Variants in GCFC2 observed in about 807,000 individuals in gnomAD.
GCFC2 encodes GC-rich sequence DNA-binding factor 2, also known as intron Large complex component GCFC2.
In GCFC2, 102 loss-of-function variants were observed where a neutral mutation model predicts 99.4. The ratio of observed to expected loss-of-function variants is 1.03; its 90% CI spans 0.87 to 1.21. The LOEUF (loss-of-function observed/expected upper bound fraction) is 1.21, where lower values mean the gene tolerates loss of function less well. Among genes scored for constraint, GCFC2 ranks in the 50% most tolerant of loss-of-function variants. The probability of loss-of-function intolerance (pLI) is 0.00; values close to 1 mark genes in which losing one functional copy is unlikely to be tolerated. For synonymous variants in GCFC2, 338 were observed against 316.8 expected (o/e 1.07, Z -0.71); for missense variants, 973 against 920.9 (o/e 1.06, Z -0.73).
In GCFC2 at chr2:75,695,926, G is replaced by T. The variant is rs113028494; in HGVS notation, c.833+274C>A. Among the ~76,000 whole-genome samples the T allele has an allele frequency of 3.3e-3, 502 of 152,196 alleles. 4 individuals are homozygous for T. Among genetic ancestry groups the T allele is most frequent in the African/African-American group, 0.011 (461 of 41,530 alleles). ...GAACAGCATGCAATTTAAAACATAT[G>T]AATTGTTTATTTCTGGAATTTTCCA... On this transcript the variant is annotated intron_variant, in intron 5 of 16. Transcript: ENST00000321027.
intron 5 of GCFC2, among the ~76,000 whole-genome samples, chr2:75,694,895 G>T (rs1013314996): frequency 6.6e-6 from 1 of 151,974 alleles, no homozygotes; most frequent in Admixed American, 6.6e-5. Flanking sequence ...ACCACTTCTG[G>T]AACAAAACAT....
intron 12 of GCFC2, among the ~76,000 whole-genome samples, chr2:75,678,600 T>C (rs187739139): frequency 9.4e-4 from 143 of 152,256 alleles, no homozygotes; most frequent in African/African-American, 3.3e-3. Context: ...ACACAGTACT[T>C]TATCTATGCT....
intron 11 of GCFC2, among the ~76,000 whole-genome samples, chr2:75,683,020 T>C (rs1328817840): frequency 2.0e-5 from 3 of 151,792 alleles, no homozygotes. Flanking sequence ...AAAACACTCT[T>C]CAGGACATTA....
chr2:75,689,231 A>G lies in GCFC2; in HGVS notation c.1340-6T>C, dbSNP rs1679947642. On this transcript the variant is annotated splice_region_variant and splice_polypyrimidine_tract_variant and intron_variant, in intron 9 of 16. Coordinates refer to ENST00000321027, the MANE Select transcript of GCFC2 (RefSeq NM_003203.5). ...CTGTTTCTGTAAAATGTCACCTGTA[A>G]ACAAAATAAGTCTCTTTATGCATTT... 1.3e-6 allele frequency: 2 copies of G among 1,522,016 alleles called. No homozygotes were observed. Among genetic ancestry groups the G allele is most frequent in the East Asian group, 4.5e-5 (2 of 44,186 alleles). The allele number at this position is 1,522,016 out of a possible 1,614,324, so 94.3% of individuals were successfully genotyped here.
At chr2:75,680,379 T>C in intron 11 of GCFC2, 65 bp from the exon 12 acceptor site, 1 of 1,353,944 alleles carries the variant, frequency 7.4e-7, no homozygotes, top group Non-Finnish European at 1.0e-6. Flanking sequence ...CATATACAAA[T>C]AATCAAGACC....
Position 75,690,032 on chromosome 2 carries a change from C to T in GCFC2, c.1276G>A (p.Glu426Lys). The T allele has an allele frequency of 1.2e-6, 2 of 1,610,110 alleles. No homozygotes were observed. The highest frequency in any genetic ancestry group is 1.1e-5 in the South Asian group (1 of 90,638). Residue 426 changes from glutamate (E) to lysine (K), a missense_variant, in exon 9 of 17, where the codon GAA (glutamate) becomes AAA (lysine). Physicochemically the swap from Glu to Lys is moderately conservative, Grantham distance 56. Transcript: ENST00000321027. Reference protein sequence around the residue: ...RVLSGNCNHQEGTSSDDELPS... With the variant: ...RVLSGNCNHQKGTSSDDELPS... ...AGTTCATCATCACTAGATGTTCCTT[C>T]CTGATGGTTACAATTCCCAGAAAGC... is the stretch of plus-strand genomic sequence containing the variant.
intron 4 of GCFC2, chr2:75,697,999 C>G (rs1363884056): frequency 6.6e-6 from 1 of 152,126 alleles, no homozygotes; most frequent in South Asian, 2.1e-4. Flanking sequence ...TGTTTTAAGC[C>G]ACCAAGTCTG....
intron 16 of GCFC2, 45 bp downstream of exon 16, chr2:75,665,884 A>G: frequency 7.5e-7 from 1 of 1,330,814 alleles, no homozygotes; most frequent in Non-Finnish European, 1.0e-6. Flanking sequence ...AGCATACAGA[A>G]TCCATGAACT....
At chr2:75,685,022 T>C (rs192997992) in intron 11 of GCFC2, among the ~76,000 whole-genome samples, 1 of 152,100 alleles carries the variant, frequency 6.6e-6, no homozygotes, top group East Asian at 1.9e-4. Context: ...TGAGAACACA[T>C]GGACAGGGAG....
chr2:75,689,079 T>G lies in GCFC2; in HGVS notation c.1486A>C (p.Lys496Gln). ...YEAFISLCIP[K>Q]LLNPLIRVQL... Reference sequence around the variant, plus strand: ...ACTCGTATTAGGGGATTTAAAAGCTTTGGTATGCATAAACTAATGAAAGCT... The same window carrying G: ...ACTCGTATTAGGGGATTTAAAAGCTGTGGTATGCATAAACTAATGAAAGCT... The change falls in exon 10 of 17, where the codon AAG (lysine) becomes CAG (glutamine). Residue 496 changes from lysine to glutamine, a missense_variant. By Grantham distance (53) the Lys-to-Gln change is moderately conservative. Transcript: ENST00000321027. 6.3e-7 allele frequency: 1 copy of G among 1,598,374 alleles called. No homozygotes were observed. The highest frequency in any genetic ancestry group is 1.3e-5 in the African/African-American group (1 of 74,546).
intron 11 of GCFC2, among the ~76,000 whole-genome samples, chr2:75,682,616 G>T (rs1679630686): frequency 1.3e-5 from 2 of 151,828 alleles, no homozygotes; most frequent in African/African-American, 4.9e-5. Flanking sequence ...ACAGAAGTAG[G>T]CTTCAGAAGG....
chr2:75,694,337 C>T lies in GCFC2; in HGVS notation c.924G>A (p.Gln308=). 1 of 1,460,394 alleles carries T rather than the reference C, an allele frequency of 6.8e-7. No individual in the cohort carries two copies. The highest frequency in any genetic ancestry group is 2.3e-5 in the East Asian group (1 of 43,086). 90.5% of individuals were successfully genotyped at this position (1,460,394 alleles called of 1,614,324 possible). A position where few individuals can be genotyped will look rare whatever the true frequency, so the allele number is the denominator to read the frequency against. Residue 308 remains glutamine, a synonymous_variant, in exon 6 of 17, where the codon CAG becomes CAA. Transcript: ENST00000321027. ...QDVKSSKSTI[Q]NLESSSNQAL... Reference sequence around the variant, plus strand: ...CTTGATTTGATGAACTCTCTAGGTTCTGGATGGTACTCTTTGAGCTTTTGA... The same window carrying T: ...CTTGATTTGATGAACTCTCTAGGTTTTGGATGGTACTCTTTGAGCTTTTGA...
At chr2:75,693,229 G>C (rs192723098) in intron 6 of GCFC2, among the ~76,000 whole-genome samples, 1 of 152,116 alleles carries the variant, frequency 6.6e-6, no homozygotes, top group Non-Finnish European at 1.5e-5. Flanking sequence ...GCCTGAGCTC[G>C]GGAGTTCCAG....
upstream of GCFC2, among the ~76,000 whole-genome samples, chr2:75,712,438 T>C (rs1043136637): frequency 3.3e-5 from 5 of 152,136 alleles, no homozygotes; most frequent in African/African-American, 1.2e-4. Flanking sequence ...AACTTTTGTA[T>C]CTAGCTCAGG....
rs747392104 is a variant in GCFC2 at position 75,665,963 on chromosome 2, G to A, written c.2194C>T (p.Gln732Ter). ...CTTCTAGATAATTTATGTGCAGACT[G>A]CAATAAAAACTGAATGAAGTTTTCT... ...QLENFIQFLL[Q>*]SAHKLSRSEF... Residue 732 changes from glutamine (Q) to a stop codon, truncating the protein, a stop_gained, in exon 16 of 17, where the codon CAG (glutamine) becomes TAG (stop). Transcript: ENST00000321027. LOFTEE classifies it high-confidence loss of function. 11 of 1,594,600 alleles carry A rather than the reference G, an allele frequency of 6.9e-6. No homozygotes were observed. The highest frequency in any genetic ancestry group is 8.6e-6 in the Non-Finnish European group (10 of 1,164,364).
intron 15 of GCFC2, among the ~76,000 whole-genome samples, chr2:75,666,771 G>C (rs1678855856): frequency 1.3e-5 from 2 of 151,412 alleles, no homozygotes; most frequent in South Asian, 4.2e-4. Flanking sequence ...AGGGAAAAGG[G>C]GAGAAAGGAA....
Position 75,687,940 on chromosome 2 carries a change from T to C in GCFC2, c.1577A>G (p.Lys526Arg), listed in dbSNP as rs758641967. ...STGLKEMPWF[K>R]SVEEFMDSSV... The stretch of plus-strand genomic sequence containing the variant: ...GCTATCCATAAATTCTTCTACAGAT[T>C]TGAACCATGGCATCTCTTTTAAACC... The change falls in exon 11 of 17, where the codon AAA becomes AGA. Residue 526 changes from lysine to arginine, a missense_variant. Physicochemically the swap from Lys to Arg is conservative, Grantham distance 26. Coordinates refer to ENST00000321027, the MANE Select transcript of GCFC2 (RefSeq NM_003203.5). 2.5e-6 allele frequency: 4 copies of C among 1,600,714 alleles called. No homozygotes were observed. The South Asian group carries it at 4.5e-5, about 18-fold the overall frequency.
At chr2:75,709,858 A>T (rs1681056260) in intron 1 of GCFC2, among the ~76,000 whole-genome samples, 1 of 152,246 alleles carries the variant, frequency 6.6e-6, no homozygotes, top group African/African-American at 2.4e-5. Flanking sequence ...GACAATAAAA[A>T]ATAATAGGAA....
At position 75,689,066 on chromosome 2, in the gene GCFC2, G is replaced by A; in HGVS notation, c.1499C>T (p.Pro500Leu). Residue 500 changes from proline to leucine, a missense_variant, in exon 10 of 17, where the codon CCC becomes CTC. By Grantham distance (98) the Pro-to-Leu change is moderately conservative. Transcript: ENST00000321027. ...ISLCIPKLLN[P>L]LIRVQLIDWN... ...ATCAATCAACTGAACTCGTATTAGG[G>A]GATTTAAAAGCTTTGGTATGCATAA... 6.3e-7 allele frequency: 1 copy of A among 1,593,954 alleles called. No individual in the cohort carries two copies. Among genetic ancestry groups the A allele is most frequent in the African/African-American group, 1.3e-5 (1 of 74,324 alleles).
Sources: allele counts gnomAD v4.1 joint callset (sites outside exome capture counted in the v4.1 genomes callset), GRCh38; gene constraint gnomAD v4.1.1; transcripts MANE v1.5; gene names NCBI Gene and HGNC (gene_info 2026-07-23, HGNC 2026-07-21).